Variants in EPM2A observed in about 807,000 individuals in gnomAD.
EPM2A encodes the protein EPM2A glucan phosphatase, laforin.
In EPM2A, 21 loss-of-function variants were observed where a neutral mutation model predicts 26.5. That is an observed-to-expected ratio of 0.79 (90% CI 0.56 to 1.14). The LOEUF is 1.14. Among genes scored for constraint, EPM2A ranks in the 50% most tolerant of loss-of-function variants. EPM2A has a pLI of 0.00. For synonymous variants in EPM2A, 217 were observed against 177.6 expected (o/e 1.22, Z -1.76); for missense variants, 458 against 440.8 (o/e 1.04, Z -0.35).
chr6:145,718,850 C>G lies in EPM2A; in HGVS notation c.301+16348G>C, dbSNP rs372745638. 7.5e-3 allele frequency among the ~76,000 whole-genome samples: 1,142 copies of G among 152,252 alleles called. 83 individuals carry two copies. The East Asian group carries it at 0.17, about 22-fold the overall frequency. On this transcript the variant is annotated intron_variant, in intron 1 of 3. Transcript: ENST00000367519. ...CACTTCTCAAAAGAAGACATTTATG[C>G]AGCCAAAAAACACATGAAAAAATGC...
chr6:145,449,824 A>C (rs1271106520), intron 4 of EPM2A, among the ~76,000 whole-genome samples: 1 of 151,088 alleles, frequency 6.6e-6, no homozygotes, highest in Admixed American at 6.6e-5. Flanking sequence ...TTTCTAAGAG[A>C]GAAAAAGCCC....
At chr6:145,432,833 C>T (rs570024254) in intron 4 of EPM2A, among the ~76,000 whole-genome samples, 26 of 152,298 alleles carry the variant, frequency 1.7e-4, no homozygotes, top group Non-Finnish European at 3.1e-4. Flanking sequence ...GTTCATCAAA[C>T]ATCTTACCTT....
intron 2 of EPM2A, among the ~76,000 whole-genome samples, chr6:145,569,173 C>T (rs1329899512): frequency 6.6e-6 from 1 of 152,282 alleles, no homozygotes; most frequent in East Asian, 1.9e-4. Context: ...AGTCAACATC[C>T]ACTTTTGTAA....
At chr6:145,656,457 C>G (rs1778293196) in intron 2 of EPM2A, among the ~76,000 whole-genome samples, 1 of 152,220 alleles carries the variant, frequency 6.6e-6, no homozygotes, top group South Asian at 2.1e-4. Flanking sequence ...CTGAAACTAA[C>G]ATATAGTCTT....
intron 2 of EPM2A, among the ~76,000 whole-genome samples, chr6:145,651,111 A>G (rs1777851868): frequency 6.6e-6 from 1 of 152,226 alleles, no homozygotes; most frequent in Non-Finnish European, 1.5e-5. Flanking sequence ...AGAATAGACA[A>G]AAATGAACTG....
At chr6:145,529,536 A>G (rs952634188) in intron 2 of EPM2A, among the ~76,000 whole-genome samples, 12 of 152,206 alleles carry the variant, frequency 7.9e-5, no homozygotes, top group African/African-American at 2.9e-4. Flanking sequence ...AATTTTAATA[A>G]AGATATGTAC....
intron 1 of EPM2A, among the ~76,000 whole-genome samples, chr6:145,712,699 C>T (rs1253298510): frequency 1.3e-5 from 2 of 152,128 alleles, no homozygotes; most frequent in Admixed American, 6.6e-5. Context: ...AAAGCTTTAG[C>T]AGAAAAATGC....
In EPM2A at chr6:145,537,542, A is replaced by G. The variant is rs77632841; in HGVS notation, c.341-34967T>C. Among the ~76,000 whole-genome samples, 660 of 150,774 alleles carry G rather than the reference A, an allele frequency of 4.4e-3. 3 individuals are homozygous for G. Among genetic ancestry groups the G allele is most frequent in the Non-Finnish European group, 7.8e-3 (529 of 67,824 alleles). ...GTTATCCTAAGCTTTGGGTTAAAAT[A>G]TAAAGATGGACCTGAAGGCAGATGT... On this transcript the variant is annotated intron_variant, in intron 2 of 3. Coordinates refer to the EPM2A transcript ENST00000450221.
intron 2 of EPM2A, among the ~76,000 whole-genome samples, chr6:145,646,456 G>A (rs142927637): frequency 6.6e-6 from 1 of 152,132 alleles, no homozygotes; most frequent in African/African-American, 2.4e-5. Flanking sequence ...GATTACAGGC[G>A]TGAACCACTG....
At chr6:145,603,367 C>T (rs564974247) in intron 2 of EPM2A, among the ~76,000 whole-genome samples, 1 of 151,410 alleles carries the variant, frequency 6.6e-6, no homozygotes, top group Non-Finnish European at 1.5e-5. Context: ...TTATTCTTGC[C>T]TGAACCCTGA....
chr6:145,620,002 A>G lies in EPM2A; in HGVS notation c.340+15243T>C, dbSNP rs541723790. 1.9e-4 allele frequency among the ~76,000 whole-genome samples: 29 copies of G among 152,342 alleles called. 2 individuals are homozygous for G. The South Asian group carries it at 5.8e-3, about 30-fold the overall frequency. ...TAAACATGGCTTAAGCCCCTGAAAC[A>G]TATGAGGTGCTGAGCAGTAATTAGC... On this transcript the variant is annotated intron_variant, in intron 2 of 3. Transcript: ENST00000450221.
chr6:145,501,989 G>T, intron 3 of EPM2A: 2 of 392,144 alleles, frequency 5.1e-6, no homozygotes, highest in Non-Finnish European at 1.0e-5. Flanking sequence ...GAAGAGTCTC[G>T]AATTGAACCC....
At chr6:145,488,311 G>A (rs1779704243) in intron 4 of EPM2A, among the ~76,000 whole-genome samples, 1 of 152,028 alleles carries the variant, frequency 6.6e-6, no homozygotes, top group Admixed American at 6.6e-5. Flanking sequence ...CTCTTTTTAG[G>A]TTCCACATGA....
chr6:145,635,189 G>A, intron 3 of EPM2A, 56 bp downstream of exon 3: 1 of 1,604,144 alleles, frequency 6.2e-7, no homozygotes, highest in Non-Finnish European at 8.5e-7. Flanking sequence ...TAGACAGACA[G>A]ACAGCAAGGG....
chr6:145,497,195 G>A (rs1168523607), downstream of EPM2A, among the ~76,000 whole-genome samples: 1 of 152,174 alleles, frequency 6.6e-6, no homozygotes, highest in Non-Finnish European at 1.5e-5. Context: ...TTGCATATTT[G>A]TGGGCTTATC....
Position 145,626,847 on chromosome 6 carries a change from G to C in EPM2A, c.*569C>G. On this transcript the variant is annotated 3_prime_UTR_variant, in exon 4 of 4. Coordinates refer to ENST00000367519, the MANE Select transcript of EPM2A (RefSeq NM_005670.4). ...GGGTTGTTGGGTAGAGAAGGAAGGT[G>C]ATGCCTTGGAACAGACTTTAACAAC... is the stretch of plus-strand genomic sequence containing the variant. 2.0e-6 allele frequency: 2 copies of C among 988,594 alleles called. No individual in the cohort carries two copies. Among genetic ancestry groups the C allele is most frequent in the Non-Finnish European group, 2.4e-6 (2 of 831,864 alleles). The allele number at this position is 988,594 out of a possible 1,614,324, so 61.2% of individuals were successfully genotyped here. A position where few individuals can be genotyped will look rare whatever the true frequency, so the allele number is the denominator to read the frequency against.
chr6:145,554,459 G>GATAC lies in EPM2A; in HGVS notation c.341-51885_341-51884insGTAT, dbSNP rs1554250303. On this transcript the variant is annotated intron_variant, in intron 2 of 3. Transcript: ENST00000450221. ...AGATAGATAGATAGATAGATAGATAGATAGATAGATACATAGACAGAGAGA... is the reference window on the plus strand; with the variant it reads ...AGATAGATAGATAGATAGATAGATAGATACATAGATAGATACATAGACAGAGAGA... 6.1e-3 allele frequency among the ~76,000 whole-genome samples: 920 copies of GATAC among 151,592 alleles called. 15 individuals carry two copies. The East Asian group carries it at 0.061, about 10-fold the overall frequency.
At chr6:145,408,771 T>C (rs1237013837) in intron 4 of EPM2A, among the ~76,000 whole-genome samples, 3 of 152,198 alleles carry the variant, frequency 2.0e-5, no homozygotes, top group Non-Finnish European at 4.4e-5. Context: ...TTCTGGAGGC[T>C]GGGAAGTCCA....
At chr6:145,494,944 A>T (rs1582798287) in intron 4 of EPM2A, among the ~76,000 whole-genome samples, 1 of 152,298 alleles carries the variant, frequency 6.6e-6, no homozygotes, top group East Asian at 1.9e-4. Flanking sequence ...ATATTTGGCA[A>T]TGAGAAGAAT....
Sources: gnomAD v4.1 joint callset for allele counts (sites outside exome capture counted in the v4.1 genomes callset) on GRCh38, gnomAD v4.1.1 for gene constraint, MANE v1.5 for transcripts, NCBI Gene and HGNC (gene_info 2026-07-23, HGNC 2026-07-21) for gene names.